The following ALMS1 variants were observed in gnomAD, a reference collection of about 807,000 sequenced individuals.
The protein encoded by ALMS1 is ALMS1 centrosome and basal body associated protein, also known as centrosome-associated protein ALMS1.
Under a neutral mutation model 352.2 loss-of-function variants are expected in ALMS1, and 271 were observed. The observed-to-expected ratio is 0.77, with a 90% CI of 0.70 to 0.85. The LOEUF (loss-of-function observed/expected upper bound fraction) is 0.85. ALMS1 is among the 40% of genes least tolerant of loss of function. The pLI is 0.00. For synonymous variants in ALMS1, 1,865 were observed against 1,761.2 expected, an observed-to-expected ratio of 1.06 and a Z score of -1.48; for missense variants, 5,445 against 4,870.7, an observed-to-expected ratio of 1.12 and a Z score of -3.51.
chr2:73,435,194 T>G (rs1671582744), intron 7 of ALMS1, among the ~76,000 whole-genome samples: 1 of 152,212 alleles, frequency 6.6e-6, no homozygotes, highest in East Asian at 1.9e-4. Flanking sequence ...ATTTTAAAAT[T>G]CTATCTGTTT....
rs753877865 is a variant in ALMS1, at chr2:73,558,974, T to G, written c.10216T>G (p.Ser3406Ala). 1.2e-5 allele frequency: 20 copies of G among 1,613,886 alleles called. No individual in the cohort carries two copies. In the South Asian group the frequency reaches 1.9e-4, roughly 15 times the overall value. The change falls in exon 15 of 23, where the codon TCC (serine) becomes GCC (alanine). Residue 3406 changes from serine (S) to alanine (A), a missense_variant and splice_region_variant. Ser to Ala is a moderately conservative substitution (Grantham distance 99, BLOSUM62 1). Transcript: ENST00000613296. ...KESLQKDTAD[S>A]SAAAAAEHSA... ...GTGTGTTAATTTCCCTTTCGTAGAT[T>G]CCAGTGCTGCTGCTGCTGCAGAGCA... is the stretch of plus-strand genomic sequence containing the variant.
At chr2:73,436,287 C>G (rs745762197) in intron 7 of ALMS1, among the ~76,000 whole-genome samples, 4 of 152,170 alleles carry the variant, frequency 2.6e-5, no homozygotes, top group Non-Finnish European at 5.9e-5. Context: ...AATTTGTTTT[C>G]TCTTGTTGCT....
At chr2:73,467,264 A>G (rs1413399319) in intron 9 of ALMS1, among the ~76,000 whole-genome samples, 2 of 152,164 alleles carry the variant, frequency 1.3e-5, no homozygotes, top group African/African-American at 2.4e-5. Flanking sequence ...AATTCAGAAT[A>G]TATAAGGAAG....
chr2:73,404,899 CTTTTT>C (rs58122480), intron 1 of ALMS1, among the ~76,000 whole-genome samples: 17 of 60,782 alleles, frequency 2.8e-4, no homozygotes, highest in African/African-American at 1.3e-3. Context: ...TGTCCTGGAC[CTTTTT>C]TTTTTTTTTT....
At chr2:73,414,473 G>GTTTTTTTTTTTTTTTTTTTTTTTTT (rs61660489) in intron 2 of ALMS1, among the ~76,000 whole-genome samples, 9 of 66,414 alleles carry the variant, frequency 1.4e-4, no homozygotes, top group Non-Finnish European at 1.9e-4. Context: ...CTTTTTTTCC[G>GTTTTTTTTTTTTTTTTTTTTTTTTT]TTTTTTTTTT....
In ALMS1 at chr2:73,452,975, A is replaced by G. The variant is rs753094693; in HGVS notation, c.6448A>G (p.Ile2150Val). Residue 2150 changes from isoleucine (I) to valine (V), a missense_variant, in exon 8 of 23, where the codon ATT becomes GTT. Transcript: ENST00000613296. The part of the protein sequence containing the change: ...SSFSHREKPD[I>V]FYQKDLPDRH... ...CTTTTCACATCGAGAGAAACCAGAT[A>G]TTTTCTATCAAAAGGATTTGCCAGA... 2.2e-5 allele frequency: 36 copies of G among 1,612,426 alleles called. No homozygotes were observed. The highest frequency in any genetic ancestry group is 3.3e-4 in the Middle Eastern group (2 of 6,054).
Position 73,572,802 on chromosome 2 carries a change from A to G in ALMS1, c.10925A>G (p.His3642Arg), listed in dbSNP as rs1240495775. The G allele has an allele frequency of 1.2e-5, 20 of 1,614,102 alleles. No individual in the cohort carries two copies. Among genetic ancestry groups the G allele is most frequent in the Non-Finnish European group, 1.7e-5 (20 of 1,179,988 alleles). Residue 3642 changes from histidine to arginine, a missense_variant, in exon 16 of 23, where the codon CAT becomes CGT. By Grantham distance (29) the His-to-Arg change is conservative. Transcript: ENST00000613296. ...AAAATTCTTCAGAATCCAATCACAC[A>G]TTCTCTCCAGGTCTCAGAAAGTACA... ...LAKILQNPITHSLQVSESTHD... is the reference protein window; with the variant it reads ...LAKILQNPITRSLQVSESTHD...
chr2:73,579,543 A>G (rs1193369204), intron 16 of ALMS1, among the ~76,000 whole-genome samples: 1 of 151,684 alleles, frequency 6.6e-6, no homozygotes, highest in Non-Finnish European at 1.5e-5. Context: ...GTATTTTAGT[A>G]GAGACGTGGT....
chr2:73,608,580 TGGGTCCTCTGTCTAGAGTG>T lies in ALMS1; in HGVS notation c.12462+9_12462+27del. On this transcript the variant is annotated splice_region_variant and intron_variant, in intron 22 of 22. Coordinates refer to ENST00000613296, the MANE Select transcript of ALMS1 (RefSeq NM_001378454.1). ...GAGCCCAGCTATATAAAAAGGTCAG[TGGGTCCTCTGTCTAGAGTG>T]GGATGGATCAGGTTTATTGGCGGAA... 1 of 1,606,196 alleles carries T rather than the reference TGGGTCCTCTGTCTAGAGTG, an allele frequency of 6.2e-7. No homozygotes were observed. The highest frequency in any genetic ancestry group is 2.2e-5 in the East Asian group (1 of 44,846).
At chr2:73,392,656 G>A (rs1670674636) in intron 1 of ALMS1, among the ~76,000 whole-genome samples, 2 of 152,160 alleles carry the variant, frequency 1.3e-5, no homozygotes, top group African/African-American at 4.8e-5. Context: ...GGATTCACCT[G>A]TGATGTGGCA....
intron 15 of ALMS1, among the ~76,000 whole-genome samples, chr2:73,568,995 C>CTTTTTTTTTTTTTTTTTTTTTTTTTTT (rs747436819): frequency 7.5e-5 from 4 of 53,556 alleles, no homozygotes; most frequent in East Asian, 5.1e-4. Flanking sequence ...GCTTCTGCTT[C>CTTTTTTTTTTTTTTTTTTTTTTTTTTT]TTTTTTTTTT....
chr2:73,585,392 C>CTTT (rs760209126), intron 16 of ALMS1, among the ~76,000 whole-genome samples: 13 of 122,584 alleles, frequency 1.1e-4, no homozygotes, highest in Non-Finnish European at 1.5e-4. Flanking sequence ...TGATGATGAG[C>CTTT]TTTTTTTTTT....
intron 16 of ALMS1, among the ~76,000 whole-genome samples, chr2:73,580,920 CTT>C (rs548564274): frequency 2.7e-4 from 41 of 152,222 alleles, no homozygotes; most frequent in Non-Finnish European, 5.0e-4. Flanking sequence ...TTCCCCAAGT[CTT>C]TGCAGATTTT....
intron 16 of ALMS1, among the ~76,000 whole-genome samples, chr2:73,597,781 C>CTTTT (rs36025075): frequency 7.0e-6 from 1 of 142,198 alleles, no homozygotes; most frequent in East Asian, 2.0e-4. Context: ...TGACACAGAG[C>CTTTT]TTTTTTTTTT....
chr2:73,607,544 C>G (rs781089731), intron 21 of ALMS1, among the ~76,000 whole-genome samples: 1 of 152,024 alleles, frequency 6.6e-6, no homozygotes, highest in Non-Finnish European at 1.5e-5. Flanking sequence ...TGGGAAGCCT[C>G]GAGTCCATTT....
At chr2:73,525,648 G>A (rs1286343916) in intron 11 of ALMS1, among the ~76,000 whole-genome samples, 2 of 151,982 alleles carry the variant, frequency 1.3e-5, no homozygotes, top group African/African-American at 4.8e-5. Context: ...TTCCTATAGA[G>A]TTGTTTCAGT....
intron 10 of ALMS1, among the ~76,000 whole-genome samples, chr2:73,497,565 A>G (rs1673135250): frequency 6.6e-6 from 1 of 152,030 alleles, no homozygotes. Flanking sequence ...ACTATACTGT[A>G]CTCTATGAAG....
intron 17 of ALMS1, 126 bp downstream of exon 17, chr2:73,599,647 T>C (rs958568577): frequency 8.5e-7 from 1 of 1,179,396 alleles, no homozygotes; most frequent in African/African-American, 1.5e-5. Context: ...CCAATTTTCA[T>C]CTTGTCAGAT....
chr2:73,554,753 G>T (rs1260424846), intron 13 of ALMS1, among the ~76,000 whole-genome samples: 1 of 152,092 alleles, frequency 6.6e-6, no homozygotes, highest in Non-Finnish European at 1.5e-5. Flanking sequence ...AGGGGAGCGT[G>T]TAAGTTTCTA....
Sources: allele counts gnomAD v4.1 joint callset (sites outside exome capture counted in the v4.1 genomes callset), GRCh38; gene constraint gnomAD v4.1.1; transcripts MANE v1.5; gene names NCBI Gene and HGNC (gene_info 2026-07-23, HGNC 2026-07-21).